The following UNC13A variants were observed in gnomAD, a reference collection of about 807,000 sequenced individuals.
UNC13A encodes the protein unc-13 homolog A, also known as protein unc-13 homolog A.
UNC13A carries 61 observed loss-of-function variants against 219.7 expected under a neutral mutation model. That is an observed-to-expected ratio of 0.28 (90% confidence interval 0.23 to 0.34). The LOEUF (loss-of-function observed/expected upper bound fraction) is 0.34. Among genes scored for constraint, UNC13A ranks in the 10% least tolerant of loss-of-function variants. UNC13A has a pLI of 1.00. For missense variants in UNC13A, 1,476 were observed against 2,270.3 expected (o/e 0.65, Z 7.11); for synonymous variants, 920 against 884.6 (o/e 1.04, Z -0.71).
intron 12 of UNC13A, 101 bp downstream of exon 12, chr19:17,652,530 G>A: frequency 6.8e-7 from 1 of 1,476,860 alleles, no homozygotes; most frequent in Non-Finnish European, 9.4e-7. Context: ...CTGTCTAAAT[G>A]GAACCCCTCC....
intron 28 of UNC13A, among the ~76,000 whole-genome samples, chr19:17,632,297 G>T (rs1057017779): frequency 3.3e-5 from 5 of 151,986 alleles, no homozygotes; most frequent in African/African-American, 1.2e-4. Context: ...TGCCCACTTC[G>T]GCCTCCCAAA....
intron 11 of UNC13A, among the ~76,000 whole-genome samples, chr19:17,654,344 C>T (rs1024729639): frequency 6.6e-6 from 1 of 152,288 alleles, no homozygotes; most frequent in Non-Finnish European, 1.5e-5. Flanking sequence ...TATCCAACAG[C>T]CTTTTCACTG....
chr19:17,617,678 G>T (rs1464265932), intron 41 of UNC13A, 24 bp downstream of exon 41: 1 of 1,609,340 alleles, frequency 6.2e-7, no homozygotes. Flanking sequence ...GCGGGAAAGG[G>T]TGATGCGGTC....
At chr19:17,643,565 C>T (rs906619926) in intron 19 of UNC13A, among the ~76,000 whole-genome samples, 11 of 152,100 alleles carry the variant, frequency 7.2e-5, no homozygotes, top group South Asian at 6.2e-4. Context: ...GTGATCCGCC[C>T]GCCTCGGCCT....
intron 29 of UNC13A, 65 bp from the exon 30 acceptor site, chr19:17,630,353 T>A: frequency 6.5e-7 from 1 of 1,537,970 alleles, no homozygotes; most frequent in Non-Finnish European, 8.8e-7. Flanking sequence ...AGAGCCCAAC[T>A]CTCCCACTCT....
chr19:17,678,727 G>A (rs931449571), intron 1 of UNC13A, among the ~76,000 whole-genome samples: 1 of 152,078 alleles, frequency 6.6e-6, no homozygotes, highest in African/African-American at 2.4e-5. Context: ...GGCTCCTGGA[G>A]GAGGTCCAGC....
At chr19:17,664,204 T>G (rs2079602242) in intron 7 of UNC13A, among the ~76,000 whole-genome samples, 1 of 152,044 alleles carries the variant, frequency 6.6e-6, no homozygotes, top group Non-Finnish European at 1.5e-5. Context: ...AGTCTCCCAG[T>G]CTCCACCCTT....
intron 7 of UNC13A, 106 bp from the exon 8 acceptor site, chr19:17,663,673 C>A: frequency 1.7e-6 from 2 of 1,197,282 alleles, no homozygotes; most frequent in Non-Finnish European, 2.4e-6. Flanking sequence ...TCCCCCCACC[C>A]CAAAAGTCCC....
At chr19:17,640,348 T>TAGCATTCTAC (rs2076955691) in intron 22 of UNC13A, among the ~76,000 whole-genome samples, 163 bp downstream of exon 22, 1 of 152,140 alleles carries the variant, frequency 6.6e-6, no homozygotes, top group African/African-American at 2.4e-5. Context: ...CTCCATTCTA[T>TAGCATTCTAC]AGCATTCTAC....
chr19:17,650,769 T>C lies in UNC13A; in HGVS notation c.1440-1182A>G, dbSNP rs540682268. Among the ~76,000 whole-genome samples the C allele has an allele frequency of 2.1e-4, 31 of 150,366 alleles. No homozygotes were observed. The East Asian group carries it at 5.4e-3, about 26-fold the overall frequency. ...CTGAGATTACAGGCGTGAGCCACCA[T>C]GCCCAGCCATCTTTCGAAACAAGAT... On this transcript the variant is annotated intron_variant, in intron 12 of 43. Coordinates refer to ENST00000519716, the MANE Select transcript of UNC13A (RefSeq NM_001080421.3).
chr19:17,630,072 A>G (rs1229156828), intron 30 of UNC13A, 73 bp downstream of exon 30: 2 of 1,490,832 alleles, frequency 1.3e-6, no homozygotes, highest in Non-Finnish European at 1.8e-6. Flanking sequence ...ACCTTAGCCC[A>G]TCTCCAACTC....
rs755178934 is a variant in UNC13A at position 17,646,017 on chromosome 19, T to C, written c.2139A>G (p.Lys713=). The change falls in exon 18 of 44, where the codon AAA becomes AAG. Residue 713 remains lysine (K), a synonymous_variant. Transcript: ENST00000519716. ...VQVGKTKKRT[K]TIYGNLNPVW... is the part of the protein sequence containing the mutation. ...CCGGGTTGAGGTTCCCATAGATGGT[T>C]TTTGTCCGTTTCTTGGTCTTCCCGA... The C allele has an allele frequency of 1.2e-6, 2 of 1,613,530 alleles. No individual in the cohort carries two copies. The highest frequency in any genetic ancestry group is 2.2e-5 in the South Asian group (2 of 91,004).
At chr19:17,662,114 G>A (rs1043221478) in intron 8 of UNC13A, among the ~76,000 whole-genome samples, 20 of 152,016 alleles carry the variant, frequency 1.3e-4, no homozygotes, top group Admixed American at 2.6e-4. Flanking sequence ...ATGGTGGCAC[G>A]CGCCTGTAAT....
Position 17,627,910 on chromosome 19 carries a change from G to T in UNC13A, c.3784C>A (p.Leu1262Ile). 1 of 1,604,010 alleles carries T rather than the reference G, an allele frequency of 6.2e-7. No homozygotes were observed. The highest frequency in any genetic ancestry group is 8.5e-7 in the Non-Finnish European group (1 of 1,174,498). The change falls in exon 32 of 44, where the codon CTA becomes ATA. Residue 1262 changes from leucine (L) to isoleucine (I), a missense_variant. Leu to Ile is a conservative substitution (Grantham distance 5). Around this residue, in one of 14 missense-constraint regions of UNC13A, gnomAD observed 218 missense variants for 409.4 expected, o/e 0.53. Coordinates refer to ENST00000519716, the MANE Select transcript of UNC13A (RefSeq NM_001080421.3). This position sits in a 1 kb window ranked among gnomAD's most constrained non-coding sequence, Gnocchi z 4.7. ...AACATCTTCTCCAGCTGAACTCGTA[G>T]CTGTTGAGTGTTATTCATGAGAATG... ...PCILMNNTQQLRVQLEKMFEA... is the reference protein window; with the variant it reads ...PCILMNNTQQIRVQLEKMFEA...
In UNC13A at chr19:17,645,714, C is replaced by T; in HGVS notation, c.2316G>A (p.Val772=). The change falls in exon 19 of 44, where the codon GTG becomes GTA. Residue 772 remains valine (V), a synonymous_variant. Transcript: ENST00000519716. The part of the protein sequence containing the change: ...DDFLGQTIIE[V]RTLSGEMDVW... ...CGTCCATCTCGCCGCTGAGCGTCCG[C>T]ACCTCAATGATCGTCTGCCCCAGGA... 1 of 1,614,246 alleles carries T rather than the reference C, an allele frequency of 6.2e-7. No homozygotes were observed. Among genetic ancestry groups the T allele is most frequent in the Non-Finnish European group, 8.5e-7 (1 of 1,180,056 alleles).
intron 4 of UNC13A, among the ~76,000 whole-genome samples, chr19:17,669,972 A>C (rs1342117952): frequency 8.5e-6 from 1 of 117,122 alleles, no homozygotes; most frequent in Non-Finnish European, 1.6e-5. Flanking sequence ...TTTGAGACAG[A>C]GTCTCGCTCT....
chr19:17,662,475 T>C (rs967044463), intron 8 of UNC13A, among the ~76,000 whole-genome samples: 1 of 132,246 alleles, frequency 7.6e-6, no homozygotes, highest in Admixed American at 7.1e-5. Flanking sequence ...AATGTAATAA[T>C]AATAATAATA....
chr19:17,676,040 G>A lies in UNC13A; in HGVS notation c.24C>T (p.Val8=). 1 of 1,551,688 alleles carries A rather than the reference G, an allele frequency of 6.4e-7. No individual in the cohort carries two copies. The highest frequency in any genetic ancestry group is 8.7e-7 in the Non-Finnish European group (1 of 1,146,982). Residue 8 remains valine (V), a splice_region_variant and synonymous_variant, in exon 2 of 44, where the codon GTC becomes GTT. Transcript: ENST00000519716. ...GGGCACCATCAAACTTGGCTTTTTTGACTGTGGAGAGAGACAGAGATAGGG... is the reference window on the plus strand; with the variant it reads ...GGGCACCATCAAACTTGGCTTTTTTAACTGTGGAGAGAGACAGAGATAGGG... MSLLCVG[V]KKAKFDGAQE... is the part of the protein sequence containing the mutation.
intron 21 of UNC13A, among the ~76,000 whole-genome samples, chr19:17,640,876 C>G (rs1265887424): frequency 8.5e-6 from 1 of 117,918 alleles, no homozygotes; most frequent in Non-Finnish European, 1.8e-5. Flanking sequence ...TTTTTTCTTT[C>G]TTTCTTTTTT....
Sources: allele counts gnomAD v4.1 joint callset (sites outside exome capture counted in the v4.1 genomes callset), GRCh38; gene constraint gnomAD v4.1.1; regional missense constraint gnomAD v4.1.1; non-coding constraint Gnocchi (gnomAD v3.1); transcripts MANE v1.5; gene names NCBI Gene and HGNC (gene_info 2026-07-23, HGNC 2026-07-21).